DPP10: variants seen among roughly 807,000 people sequenced by gnomAD.
DPP10 encodes the protein inactive dipeptidyl peptidase 10.
In DPP10, 33 loss-of-function variants were observed where a neutral mutation model predicts 120.9. The ratio of observed to expected loss-of-function variants is 0.27; its 90% confidence interval spans 0.21 to 0.37. DPP10 has a LOEUF of 0.37. Among genes scored for constraint, DPP10 ranks in the 10% least tolerant of loss-of-function variants. The pLI is 1.00. For synonymous variants in DPP10, 337 were observed against 326.1 expected, an observed-to-expected ratio of 1.03 and a Z score of -0.36; for missense variants, 816 against 942.8, an observed-to-expected ratio of 0.87 and a Z score of 1.76.
intron 1 of DPP10, among the ~76,000 whole-genome samples, chr2:115,282,174 AT>A (rs1441591977): frequency 3.3e-5 from 5 of 152,222 alleles, no homozygotes; most frequent in South Asian, 4.1e-4. Context: ...CTTGTAACTT[AT>A]TCTTTAAATA....
intron 1 of DPP10, among the ~76,000 whole-genome samples, chr2:114,556,742 G>T (rs1688344711): frequency 6.6e-6 from 1 of 152,298 alleles, no homozygotes; most frequent in East Asian, 1.9e-4. Context: ...AGGTCTAATA[G>T]ATGATGGAGT....
chr2:115,584,822 T>G (rs1280138626), intron 5 of DPP10, among the ~76,000 whole-genome samples: 2 of 152,156 alleles, frequency 1.3e-5, no homozygotes. Context: ...AAGTGATGGG[T>G]GTCATTTTGG....
chr2:114,834,696 A>C (rs143145790), intron 1 of DPP10, among the ~76,000 whole-genome samples: 2,151 of 31,824 alleles, frequency 0.068, 385 homozygotes, highest in Middle Eastern at 0.12. Context: ...TATATATAAG[A>C]CATATCTACA....
intron 5 of DPP10, among the ~76,000 whole-genome samples, chr2:115,637,900 C>CCT (rs2086478414): frequency 6.6e-6 from 1 of 152,136 alleles, no homozygotes; most frequent in African/African-American, 2.4e-5. Context: ...TCACATTCTA[C>CCT]TGGTATAACT....
intron 1 of DPP10, among the ~76,000 whole-genome samples, chr2:115,280,407 A>G (rs2060110118): frequency 6.6e-6 from 1 of 152,200 alleles, no homozygotes; most frequent in African/African-American, 2.4e-5. Context: ...TTGAGGCCCA[A>G]AGCTGCACTC....
chr2:115,733,367 G>C (rs2092955963), intron 8 of DPP10, among the ~76,000 whole-genome samples: 1 of 152,156 alleles, frequency 6.6e-6, no homozygotes, highest in East Asian at 1.9e-4. Flanking sequence ...CAGGAAGGCA[G>C]GGTTATCAGT....
intron 1 of DPP10, among the ~76,000 whole-genome samples, chr2:115,132,325 C>G (rs372306239): frequency 6.6e-6 from 1 of 152,034 alleles, no homozygotes; most frequent in South Asian, 2.1e-4. Flanking sequence ...AGTTTTCAGA[C>G]TCTTACTTAA....
chr2:115,007,067 C>G (rs930527410), intron 1 of DPP10, among the ~76,000 whole-genome samples: 5 of 152,122 alleles, frequency 3.3e-5, no homozygotes, highest in African/African-American at 1.2e-4. Context: ...AAGAATCTCA[C>G]TCAAAACTTC....
intron 1 of DPP10, among the ~76,000 whole-genome samples, chr2:115,299,957 T>G (rs1343306979): frequency 1.3e-5 from 2 of 152,114 alleles, no homozygotes; most frequent in Non-Finnish European, 2.9e-5. Flanking sequence ...TAACAGGGAT[T>G]TGAAGATTCT....
At chr2:114,699,293 G>A (rs575195050) in intron 1 of DPP10, among the ~76,000 whole-genome samples, 20 of 112,570 alleles carry the variant, frequency 1.8e-4, no homozygotes, top group African/African-American at 8.8e-4. Context: ...ATACATATGC[G>A]TGTGTGTGTG....
intron 4 of DPP10, among the ~76,000 whole-genome samples, chr2:115,506,855 A>G (rs2076971065): frequency 6.6e-6 from 1 of 152,138 alleles, no homozygotes; most frequent in Admixed American, 6.6e-5. Flanking sequence ...TGGTTTACAT[A>G]GCTTTGTTTG....
intron 3 of DPP10, among the ~76,000 whole-genome samples, chr2:115,444,640 T>A (rs1238323136): frequency 6.6e-6 from 1 of 152,176 alleles, no homozygotes; most frequent in Non-Finnish European, 1.5e-5. Context: ...GTGTTTTAGT[T>A]TTCTGGGTTT....
chr2:114,804,730 CA>C (rs2106297322), intron 1 of DPP10, among the ~76,000 whole-genome samples: 1 of 152,288 alleles, frequency 6.6e-6, no homozygotes, highest in African/African-American at 2.4e-5. Context: ...TAGGAATTAA[CA>C]AGCTTGCTTT....
At chr2:114,536,966 T>C (rs1413728756) in intron 1 of DPP10, among the ~76,000 whole-genome samples, 2 of 152,218 alleles carry the variant, frequency 1.3e-5, no homozygotes, top group African/African-American at 4.8e-5. Flanking sequence ...CAAATGGATT[T>C]GCATTACTAG....
chr2:115,126,838 T>C (rs2050107354), intron 1 of DPP10, among the ~76,000 whole-genome samples: 1 of 152,182 alleles, frequency 6.6e-6, no homozygotes, highest in African/African-American at 2.4e-5. Context: ...TGCATCAATA[T>C]TGAGTAGGGG....
intron 21 of DPP10, among the ~76,000 whole-genome samples, chr2:115,820,261 A>G (rs1262019899): frequency 1.3e-5 from 2 of 152,152 alleles, no homozygotes; most frequent in African/African-American, 4.8e-5. Context: ...ACTTTGAAAT[A>G]TCAATTGATT....
intron 1 of DPP10, among the ~76,000 whole-genome samples, chr2:114,826,251 T>C (rs966694479): frequency 6.6e-6 from 1 of 152,158 alleles, no homozygotes; most frequent in Non-Finnish European, 1.5e-5. Flanking sequence ...TAATTATATA[T>C]AATGGGAACA....
At chr2:114,691,259 G>C (rs116223279) in intron 1 of DPP10, among the ~76,000 whole-genome samples, 2,716 of 152,140 alleles carry the variant, frequency 0.018, 84 homozygotes, top group African/African-American at 0.062. Flanking sequence ...AGTTTACTGA[G>C]AGTTTTAAAC....
intron 1 of DPP10, among the ~76,000 whole-genome samples, chr2:114,605,186 G>T (rs908231491): frequency 6.6e-6 from 1 of 151,994 alleles, no homozygotes; most frequent in African/African-American, 2.4e-5. Flanking sequence ...TAGTCAGACT[G>T]GTCAACTCTT....
Sources: allele counts gnomAD v4.1 joint callset (sites outside exome capture counted in the v4.1 genomes callset), GRCh38; gene constraint gnomAD v4.1.1; transcripts MANE v1.5; gene names NCBI Gene and HGNC (gene_info 2026-07-23, HGNC 2026-07-21).